The following ITGA9 variants were observed in gnomAD, a reference collection of about 807,000 sequenced individuals.
The protein encoded by ITGA9 is integrin subunit alpha 9.
ITGA9 carries 56 observed loss-of-function variants against 127.8 expected under a neutral mutation model. The ratio of observed to expected loss-of-function variants is 0.44; its 90% confidence interval spans 0.35 to 0.55. The LOEUF is 0.55. ITGA9 is among the 20% of genes least tolerant of loss of function. The probability of loss-of-function intolerance (pLI) is 0.00; values close to 1 mark genes in which losing one functional copy is unlikely to be tolerated. For missense variants in ITGA9, 1,196 were observed against 1,347.1 expected (o/e 0.89, Z 1.76); for synonymous variants, 508 against 514.5 (o/e 0.99, Z 0.17).
intron 16 of ITGA9, among the ~76,000 whole-genome samples, chr3:37,644,397 T>TAGAAGC (rs748787616): frequency 1.8e-4 from 28 of 151,972 alleles, no homozygotes; most frequent in South Asian, 1.0e-3. Flanking sequence ...TGTGTCCACA[T>TAGAAGC]AGAAGCAGAT....
chr3:37,517,166 C>T (rs956128296), intron 9 of ITGA9, among the ~76,000 whole-genome samples: 8 of 152,128 alleles, frequency 5.3e-5, no homozygotes, highest in African/African-American at 9.7e-5. Context: ...GCCTTAAGGA[C>T]GTGGAGAGCA....
intron 1 of ITGA9, among the ~76,000 whole-genome samples, chr3:37,456,026 TG>T (rs970767245): frequency 1.3e-5 from 2 of 152,084 alleles, no homozygotes; most frequent in African/African-American, 4.8e-5. Context: ...TGTGTAAGTG[TG>T]GGGGTGATCT....
At chr3:37,555,219 TA>T (rs1699418858) in intron 15 of ITGA9, among the ~76,000 whole-genome samples, 1 of 152,254 alleles carries the variant, frequency 6.6e-6, no homozygotes, top group Non-Finnish European at 1.5e-5. Context: ...CTTCTGCTTA[TA>T]ACGCATTGAC....
chr3:37,628,269 C>T (rs1026085685), intron 15 of ITGA9, among the ~76,000 whole-genome samples: 8 of 152,168 alleles, frequency 5.3e-5, no homozygotes, highest in Non-Finnish European at 1.0e-4. Context: ...CCCACACGCA[C>T]CCCCGCCGAG....
Position 37,499,028 on chromosome 3 carries a change from A to T in ITGA9, c.613-4150A>T, listed in dbSNP as rs146306433. ...GGTCATAGCTATGTTGCCCCAAAAT[A>T]TTTTGGCCTAAGGTGCCTGCTTGAC... is the stretch of plus-strand genomic sequence containing the variant. On this transcript the variant is annotated intron_variant, in intron 5 of 27. Coordinates refer to ENST00000264741, the MANE Select transcript of ITGA9 (RefSeq NM_002207.3). Among the ~76,000 whole-genome samples the T allele has an allele frequency of 2.2e-3, 336 of 152,272 alleles. 3 individuals are homozygous for T. Among genetic ancestry groups the T allele is most frequent in the African/African-American group, 7.7e-3 (318 of 41,540 alleles).
rs181695036 is a variant in ITGA9 at position 37,587,165 on chromosome 3, T to C, written c.1690-42022T>C. 1.5e-3 allele frequency among the ~76,000 whole-genome samples: 224 copies of C among 152,344 alleles called. 4 individuals carry two copies. Among genetic ancestry groups the C allele is most frequent in the African/African-American group, 5.2e-3 (218 of 41,578 alleles). On this transcript the variant is annotated intron_variant, in intron 15 of 27. Transcript: ENST00000264741. ...GCATCTAGTAACATTCAAGCCTCAA[T>C]TAATTGAACCAATAATTATTATATT...
At chr3:37,750,635 C>A (rs1696572122) in intron 23 of ITGA9, 66 bp downstream of exon 23, 4 of 1,090,354 alleles carry the variant, frequency 3.7e-6, no homozygotes, top group Non-Finnish European at 5.7e-6. Flanking sequence ...ATTTTGTATT[C>A]CACCCTACCC....
At chr3:37,512,109 CTTCCTTCCTTCTTTCTT>C (rs1284131209) in intron 8 of ITGA9, among the ~76,000 whole-genome samples, 6 of 92,924 alleles carry the variant, frequency 6.5e-5, no homozygotes, top group East Asian at 3.2e-4. Flanking sequence ...TCCTTCCTTC[CTTCCTTCCTTCTTTCTT>C]TTCTTTTCTT....
intron 6 of ITGA9, among the ~76,000 whole-genome samples, chr3:37,504,858 A>C (rs956280365): frequency 6.6e-6 from 1 of 152,182 alleles, no homozygotes; most frequent in Non-Finnish European, 1.5e-5. Flanking sequence ...AACTCAAACA[A>C]CTTACAATCA....
At chr3:37,537,996 CG>C (rs1175193211) in intron 14 of ITGA9, among the ~76,000 whole-genome samples, 1 of 152,214 alleles carries the variant, frequency 6.6e-6, no homozygotes, top group Non-Finnish European at 1.5e-5. Flanking sequence ...GCCCCTCACC[CG>C]TGGACGGTGC....
At chr3:37,495,272 A>C (rs1698716038) in intron 5 of ITGA9, among the ~76,000 whole-genome samples, 1 of 152,188 alleles carries the variant, frequency 6.6e-6, no homozygotes, top group East Asian at 1.9e-4. Flanking sequence ...GGTTTTACAC[A>C]CAACTCTAAC....
At chr3:37,593,396 T>A (rs1366946029) in intron 15 of ITGA9, among the ~76,000 whole-genome samples, 1 of 152,242 alleles carries the variant, frequency 6.6e-6, no homozygotes, top group Non-Finnish European at 1.5e-5. Flanking sequence ...TACAGAGGGC[T>A]GACTATCCCA....
chr3:37,621,194 T>C (rs1279098874), intron 15 of ITGA9, among the ~76,000 whole-genome samples: 2 of 152,226 alleles, frequency 1.3e-5, no homozygotes, highest in East Asian at 1.9e-4. Context: ...TCTGCTGCCA[T>C]GTAAGATGTG....
At chr3:37,712,477 T>G (rs1701089761) in intron 18 of ITGA9, among the ~76,000 whole-genome samples, 1 of 152,218 alleles carries the variant, frequency 6.6e-6, no homozygotes, top group Admixed American at 6.5e-5. Flanking sequence ...TGTACTTGTT[T>G]TAACTCTTCT....
In ITGA9 at chr3:37,526,090, G is replaced by C. The variant is rs369723775; in HGVS notation, c.1373+19G>C. ...TTCTCAGGTGAGAGGCCCCACTCTT[G>C]CTCCTTGAATTGTGCTGTTCAGGGT... On this transcript the variant is annotated intron_variant, in intron 13 of 27. Transcript: ENST00000264741. The C allele has an allele frequency of 6.8e-6, 11 of 1,610,586 alleles. No individual in the cohort carries two copies. The African/African-American group carries it at 9.3e-5, about 14-fold the overall frequency.
At chr3:37,790,127 T>C (rs1575238974) in intron 26 of ITGA9, 2 of 560,642 alleles carry the variant, frequency 3.6e-6, no homozygotes, top group Non-Finnish European at 7.0e-6. Context: ...GGAATGCTCT[T>C]AATATTTATC....
Position 37,526,052 on chromosome 3 carries a change from G to A in ITGA9, c.1354G>A (p.Asp452Asn), listed in dbSNP as rs138943534. The change falls in exon 13 of 28, where the codon GAC becomes AAC. Residue 452 changes from aspartate to asparagine, a missense_variant. Transcript: ENST00000264741. ...TGTCACTGTTGGAGCCTTCATGTCC[G>A]ACAGCGTGGTTCTTCTCAGGTGAGA... ...PDVTVGAFMSDSVVLLRARPV... is the reference protein window; with the variant it reads ...PDVTVGAFMSNSVVLLRARPV... The A allele has an allele frequency of 1.1e-5, 17 of 1,613,916 alleles. No individual in the cohort carries two copies. The highest frequency in any genetic ancestry group is 1.3e-5 in the African/African-American group (1 of 74,916).
intron 22 of ITGA9, among the ~76,000 whole-genome samples, chr3:37,745,153 A>G (rs1001987525): frequency 1.3e-5 from 2 of 152,242 alleles, no homozygotes; most frequent in African/African-American, 4.8e-5. Flanking sequence ...ATGACAAATA[A>G]TGACAGGGTG....
chr3:37,673,133 G>A (rs1700652853), intron 17 of ITGA9, among the ~76,000 whole-genome samples: 1 of 152,104 alleles, frequency 6.6e-6, no homozygotes, highest in African/African-American at 2.4e-5. Flanking sequence ...GACAGAAACA[G>A]TTTCCTATCC....
Sources: gnomAD v4.1 joint callset for allele counts (sites outside exome capture counted in the v4.1 genomes callset) on GRCh38, gnomAD v4.1.1 for gene constraint, MANE v1.5 for transcripts, NCBI Gene and HGNC (gene_info 2026-07-23, HGNC 2026-07-21) for gene names.